The following KANSL1 variants were observed in gnomAD, a reference collection of about 807,000 sequenced individuals.
KANSL1 encodes the protein KAT8 regulatory NSL complex subunit 1.
Under a neutral mutation model 103.6 loss-of-function variants are expected in KANSL1, and 22 were observed. The ratio of observed to expected loss-of-function variants is 0.21; its 90% CI spans 0.15 to 0.30. The LOEUF is 0.30. Ranked by LOEUF, KANSL1 falls within the 10% of genes least tolerant of loss-of-function variation. The pLI is 1.00. For synonymous variants in KANSL1, 600 were observed against 527.6 expected (o/e 1.14, Z -1.88); for missense variants, 1,337 against 1,399.8 (o/e 0.96, Z 0.72).
intron 4 of KANSL1, 89 bp from the exon 5 acceptor site, chr17:46,067,756 C>T (rs2146670291): frequency 1.4e-6 from 1 of 693,494 alleles, no homozygotes; most frequent in Non-Finnish European, 2.6e-6. Context: ...CACAAAGCAC[C>T]TAAAACTTCT....
intron 4 of KANSL1, among the ~76,000 whole-genome samples, chr17:46,069,787 G>T (rs1194758943): frequency 6.6e-6 from 1 of 151,830 alleles, no homozygotes; most frequent in Non-Finnish European, 1.5e-5. Flanking sequence ...ACAAAAAACA[G>T]ATTGGGAAGA....
chr17:46,160,571 G>A (rs1381993187), intron 2 of KANSL1, among the ~76,000 whole-genome samples: 1 of 152,192 alleles, frequency 6.6e-6, no homozygotes, highest in Non-Finnish European at 1.5e-5. Flanking sequence ...TGGAATTACA[G>A]GAGAGAGGCA....
At chr17:46,193,672 GC>G, upstream of KANSL1, 4 of 307,788 alleles carry the variant, frequency 1.3e-5, no homozygotes, top group South Asian at 2.2e-5. Context: ...GGCCCCAGCT[GC>G]CCCGGACGTG....
intron 6 of KANSL1, among the ~76,000 whole-genome samples, chr17:46,064,953 A>G (rs2078322022): frequency 6.6e-6 from 1 of 151,776 alleles, no homozygotes. Flanking sequence ...ACATATGTAT[A>G]CGTGTGTTTT....
intron 2 of KANSL1, among the ~76,000 whole-genome samples, chr17:46,124,871 A>G (rs1385695798): frequency 6.6e-6 from 1 of 152,048 alleles, no homozygotes; most frequent in East Asian, 1.9e-4. Flanking sequence ...TGCAAAGTTA[A>G]GTTGACTCTG....
rs1357388231 is a variant in KANSL1 at position 46,146,971 on chromosome 17, G to C, written c.1289+23884C>G. ...TTAGGTAGTTCCAGCTACACAGGAG[G>C]CTGAGGCAGAAGAACTGCTTGAGCC... is the stretch of plus-strand genomic sequence containing the variant. On this transcript the variant is annotated intron_variant, in intron 2 of 14. Transcript: ENST00000432791. Among the ~76,000 whole-genome samples, 4 of 152,158 alleles carry C rather than the reference G, an allele frequency of 2.6e-5. No individual in the cohort carries two copies. The East Asian group carries it at 7.7e-4, about 29-fold the overall frequency.
chr17:46,135,533 C>T (rs1399958786), intron 2 of KANSL1, among the ~76,000 whole-genome samples: 1 of 144,784 alleles, frequency 6.9e-6, no homozygotes, highest in Non-Finnish European at 1.5e-5. Context: ...TTTTTCCCCT[C>T]AACTATACAT....
intron 6 of KANSL1, among the ~76,000 whole-genome samples, chr17:46,062,050 C>T (rs886854885): frequency 1.5e-4 from 21 of 139,296 alleles, no homozygotes; most frequent in East Asian, 7.3e-4. Context: ...TGAGATTGTG[C>T]CATTGCACTC....
At position 46,031,687 on chromosome 17, in the gene KANSL1, T is replaced by G. The variant is rs1473128164; in HGVS notation, c.3107A>C (p.Glu1036Ala). 1.9e-6 allele frequency: 3 copies of G among 1,608,380 alleles called. No homozygotes were observed. Among genetic ancestry groups the G allele is most frequent in the Non-Finnish European group, 2.6e-6 (3 of 1,175,652 alleles). Residue 1036 changes from glutamate (E) to alanine (A), a missense_variant, in exon 15 of 15, where the codon GAG becomes GCG. By Grantham distance (107) the Glu-to-Ala change is moderately radical. Transcript: ENST00000432791. ...GLDEQSVQPW[E>A]RRTFPLAHSP... ...GTGCGCCAGGGGGAAGGTCCGCCGCTCCCAGGGCTGGACAGACTGTAGGCA... is the reference window on the plus strand; with the variant it reads ...GTGCGCCAGGGGGAAGGTCCGCCGCGCCCAGGGCTGGACAGACTGTAGGCA...
At chr17:46,184,445 G>C (rs1354358747) in intron 1 of KANSL1, among the ~76,000 whole-genome samples, 1 of 152,142 alleles carries the variant, frequency 6.6e-6, no homozygotes, top group Non-Finnish European at 1.5e-5. Flanking sequence ...ATGATTATTA[G>C]AAAGGGAAGA....
rs138175526 is a variant in KANSL1, at chr17:46,171,537, C to A, written c.607G>T (p.Gly203Trp). ...GGAAGAGTGCAATTGGTCATACCCC[C>A]CTTCAAGTCCCCAGATTCAGATCCT... ...MGGSESGDLK[G>W]GMTNCTLPHR... The change falls in exon 2 of 15, where the codon GGG (glycine) becomes TGG (tryptophan). Residue 203 changes from glycine (G) to tryptophan (W), a missense_variant. Transcript: ENST00000432791. 1.3e-4 allele frequency: 211 copies of A among 1,612,498 alleles called. No homozygotes were observed. The South Asian group carries it at 2.1e-3, about 16-fold the overall frequency.
chr17:46,106,934 T>C (rs1259156260), intron 2 of KANSL1, among the ~76,000 whole-genome samples: 1 of 152,174 alleles, frequency 6.6e-6, no homozygotes. Flanking sequence ...AGCACAATTA[T>C]AAATCCTGCA....
intron 1 of KANSL1, 51 bp from the exon 2 acceptor site, chr17:46,172,283 CAT>C (rs1450341476): frequency 3.4e-6 from 3 of 888,588 alleles, no homozygotes; most frequent in Non-Finnish European, 4.9e-6. Context: ...CTTTTAAAAA[CAT>C]GTATATTTTT....
intron 2 of KANSL1, among the ~76,000 whole-genome samples, chr17:46,160,006 G>C (rs2696571): frequency 0.14 from 21,952 of 152,140 alleles, 2,137 homozygotes; most frequent in Non-Finnish European, 0.22. Flanking sequence ...TCTCAAAATA[G>C]AATCTTTTTT....
chr17:46,059,823 A>T (rs55714296), intron 6 of KANSL1, among the ~76,000 whole-genome samples: 21,759 of 151,482 alleles, frequency 0.14, 2,127 homozygotes, highest in Non-Finnish European at 0.22. Flanking sequence ...CAAACCATTC[A>T]CCTGCCTCAG....
intron 2 of KANSL1, among the ~76,000 whole-genome samples, chr17:46,128,268 G>A (rs950577220): frequency 6.6e-6 from 1 of 152,172 alleles, no homozygotes; most frequent in African/African-American, 2.4e-5. Context: ...TCAATGATAG[G>A]CCCTCTCACA....
At chr17:46,200,055 ACACACACACACC>A (rs1346075708) in intron 1 of KANSL1, among the ~76,000 whole-genome samples, 3 of 152,042 alleles carry the variant, frequency 2.0e-5, no homozygotes, top group African/African-American at 7.3e-5. Context: ...ACACACACAC[ACACACACACACC>A]CTGATTATTT....
At chr17:46,207,897 T>C (rs2048026065) in intron 1 of KANSL1, among the ~76,000 whole-genome samples, 1 of 151,802 alleles carries the variant, frequency 6.6e-6, no homozygotes, top group African/African-American at 2.4e-5. Context: ...GATCACCTGA[T>C]GTCAAGAGTT....
chr17:46,139,698 C>T (rs2044325238), intron 2 of KANSL1, among the ~76,000 whole-genome samples: 1 of 152,184 alleles, frequency 6.6e-6, no homozygotes, highest in Non-Finnish European at 1.5e-5. Context: ...TTATTACGTA[C>T]ATAAAAGCAT....
Sources: allele counts gnomAD v4.1 joint callset (sites outside exome capture counted in the v4.1 genomes callset), GRCh38; gene constraint gnomAD v4.1.1; transcripts MANE v1.5; gene names NCBI Gene and HGNC (gene_info 2026-07-23, HGNC 2026-07-21).